Variants in ZHX2 observed in about 807,000 individuals in gnomAD.
ZHX2 encodes the protein zinc fingers and homeoboxes 2.
ZHX2 carries 6 observed loss-of-function variants against 21.9 expected under a neutral mutation model. The observed-to-expected ratio is 0.27, with a 90% CI of 0.15 to 0.54. The LOEUF (loss-of-function observed/expected upper bound fraction) is 0.54. Among genes scored for constraint, ZHX2 ranks in the 20% least tolerant of loss-of-function variants. ZHX2 has a pLI of 0.95. For missense variants in ZHX2, 908 were observed against 1,090.7 expected (o/e 0.83, Z 2.36); for synonymous variants, 434 against 437.1 (o/e 0.99, Z 0.09).
chr8:122,968,517 A>G (rs1457929905), intron 3 of ZHX2, among the ~76,000 whole-genome samples: 3 of 152,136 alleles, frequency 2.0e-5, no homozygotes, highest in African/African-American at 2.4e-5. Context: ...CCTACCCTCA[A>G]TAAAAGAAAT....
chr8:122,837,708 T>C (rs147439495), intron 1 of ZHX2, among the ~76,000 whole-genome samples: 64 of 152,316 alleles, frequency 4.2e-4, no homozygotes, highest in African/African-American at 1.5e-3. Flanking sequence ...TCCCTTGGGG[T>C]GGCCACCAAG....
chr8:122,927,690 A>G (rs1205178906), intron 2 of ZHX2, among the ~76,000 whole-genome samples: 3 of 152,104 alleles, frequency 2.0e-5, no homozygotes, highest in African/African-American at 7.2e-5. Flanking sequence ...ATTCACTATC[A>G]CAAGAATAGA....
intron 2 of ZHX2, among the ~76,000 whole-genome samples, chr8:122,895,697 T>C (rs1820082390): frequency 1.3e-5 from 2 of 151,704 alleles, no homozygotes; most frequent in South Asian, 4.2e-4. Context: ...CCTTGCTCTT[T>C]AGACATCTGC....
intron 1 of ZHX2, among the ~76,000 whole-genome samples, chr8:122,804,864 C>T (rs754428680): frequency 7.9e-5 from 12 of 152,148 alleles, no homozygotes; most frequent in Non-Finnish European, 1.3e-4. Context: ...CATACAATGC[C>T]GTGTCTGGAG....
chr8:122,897,312 A>C (rs2129910795), intron 2 of ZHX2, among the ~76,000 whole-genome samples: 1 of 152,362 alleles, frequency 6.6e-6, no homozygotes, highest in South Asian at 2.1e-4. Flanking sequence ...GGGTTACCAG[A>C]ATGAAATGAT....
At position 122,884,381 on chromosome 8, in the gene ZHX2, C is replaced by G. The variant is rs968058355; in HGVS notation, c.-220+20842C>G. 3.3e-5 allele frequency among the ~76,000 whole-genome samples: 5 copies of G among 152,294 alleles called. No homozygotes were observed. The Middle Eastern group carries it at 0.01, about 311-fold the overall frequency. On this transcript the variant is annotated intron_variant, in intron 2 of 3. Coordinates refer to ENST00000314393, the MANE Select transcript of ZHX2 (RefSeq NM_014943.5). The stretch of plus-strand genomic sequence containing the variant: ...ATTCATGGTATATTCAACTTGTTTT[C>G]TAATTTGTCAGTCACATTGGAACAG...
At position 122,953,361 on chromosome 8, in the gene ZHX2, C is replaced by G. The variant is rs201212470; in HGVS notation, c.1851C>G (p.Leu617=). 8.1e-6 allele frequency: 13 copies of G among 1,614,128 alleles called. No individual in the cohort carries two copies. In the African/African-American group the frequency reaches 1.6e-4, roughly 20 times the overall value. The change falls in exon 3 of 4, where the codon CTC becomes CTG. Residue 617 remains leucine, a synonymous_variant. Transcript: ENST00000314393. The surrounding 1 kb of genome is among the most constrained non-coding windows in gnomAD (Gnocchi z 4.6). ...PNGALSRLDQ[L]SGAQLTSSLP... ...GTGCTCTGTCTCGACTCGACCAGCT[C>G]TCCGGTGCCCAGTTAACAAGTTCTC...
Position 122,861,622 on chromosome 8 carries a change from C to T in ZHX2, c.-282-1855C>T, listed in dbSNP as rs368849127. 3.0e-4 allele frequency among the ~76,000 whole-genome samples: 46 copies of T among 152,180 alleles called. No homozygotes were observed. In the East Asian group the frequency reaches 8.5e-3, roughly 28 times the overall value. ...GTATCGTAAATCTATGCTGTGATGTCCCCCTCCTCATCAGGAGCAGCTAGA... is the reference window on the plus strand; with the variant it reads ...GTATCGTAAATCTATGCTGTGATGTTCCCCTCCTCATCAGGAGCAGCTAGA... On this transcript the variant is annotated intron_variant, in intron 1 of 3. Transcript: ENST00000314393.
chr8:122,850,034 C>T (rs910869485), intron 1 of ZHX2, among the ~76,000 whole-genome samples: 15 of 152,198 alleles, frequency 9.9e-5, no homozygotes, highest in Admixed American at 9.8e-4. Flanking sequence ...TTGACTCTTT[C>T]CCAGTCTTCA....
At chr8:122,851,337 G>A (rs1050847707) in intron 1 of ZHX2, among the ~76,000 whole-genome samples, 19 of 152,152 alleles carry the variant, frequency 1.2e-4, no homozygotes, top group Non-Finnish European at 2.6e-4. Flanking sequence ...AATTTTAGAC[G>A]TGTTAAGTTT....
chr8:122,919,153 G>A (rs541939641), intron 2 of ZHX2, among the ~76,000 whole-genome samples: 1 of 152,230 alleles, frequency 6.6e-6, no homozygotes, highest in Non-Finnish European at 1.5e-5. Context: ...CACAGCACTT[G>A]CTAATCTCTC....
rs554284616 is a variant in ZHX2 at position 122,809,647 on chromosome 8, G to A, written c.-283+27701G>A. Among the ~76,000 whole-genome samples the A allele has an allele frequency of 3.8e-4, 58 of 152,284 alleles. 1 individual carries two copies. The highest frequency in any genetic ancestry group is 1.3e-3 in the African/African-American group (53 of 41,556). ...GAGTGCTTTTAGACAACAAGCAACC[G>A]AGAAACCAATGTGCCTGAGGGGACC... On this transcript the variant is annotated intron_variant, in intron 1 of 3. Transcript: ENST00000314393.
chr8:122,951,965 T>C lies in ZHX2; in HGVS notation c.455T>C (p.Leu152Ser), dbSNP rs1813127592. ...KLIKRNNQTVLEQSIETTNHV... is the reference protein window; with the variant it reads ...KLIKRNNQTVSEQSIETTNHV... ...ATTAAACGCAATAATCAAACTGTCT[T>C]GGAACAGTCCATCGAAACCACCAAC... Residue 152 changes from leucine (L) to serine (S), a missense_variant, in exon 3 of 4, where the codon TTG becomes TCG. Coordinates refer to ENST00000314393, the MANE Select transcript of ZHX2 (RefSeq NM_014943.5). 6.2e-7 allele frequency: 1 copy of C among 1,613,650 alleles called. No homozygotes were observed. The highest frequency in any genetic ancestry group is 1.1e-5 in the South Asian group (1 of 91,058).
intron 2 of ZHX2, among the ~76,000 whole-genome samples, chr8:122,868,083 C>A (rs1819341075): frequency 6.6e-6 from 1 of 152,092 alleles, no homozygotes. Flanking sequence ...CACGATTGAG[C>A]CTTTTAGCGG....
intron 2 of ZHX2, among the ~76,000 whole-genome samples, chr8:122,901,429 AG>A (rs1820227735): frequency 6.6e-6 from 1 of 152,184 alleles, no homozygotes; most frequent in African/African-American, 2.4e-5. Context: ...TAAGCTCCCA[AG>A]CTGGGTTTCT....
chr8:122,953,487 C>T lies in ZHX2; in HGVS notation c.1977C>T (p.Asp659=), dbSNP rs551039119. The T allele has an allele frequency of 5.6e-6, 9 of 1,614,100 alleles. No homozygotes were observed. The East Asian group carries it at 1.3e-4, about 24-fold the overall frequency. Reference sequence around the variant, plus strand: ...AGTGGCCTACTCCCCAGGAGTACGACCAGTTAGCGGCCAAGACTGGCCTGG... The same window carrying T: ...AGTGGCCTACTCCCCAGGAGTACGATCAGTTAGCGGCCAAGACTGGCCTGG... ...RTQWPTPQEY[D]QLAAKTGLVR... The change falls in exon 3 of 4, where the codon GAC becomes GAT. Residue 659 remains aspartate (D), a synonymous_variant. Coordinates refer to ENST00000314393, the MANE Select transcript of ZHX2 (RefSeq NM_014943.5). This position sits in a 1 kb window ranked among gnomAD's most constrained non-coding sequence, Gnocchi z 4.6.
chr8:122,895,334 G>A (rs1820074989), intron 2 of ZHX2, among the ~76,000 whole-genome samples: 1 of 152,218 alleles, frequency 6.6e-6, no homozygotes, highest in Non-Finnish European at 1.5e-5. Flanking sequence ...GGAACACCAA[G>A]TGGGTGTTAC....
In ZHX2 at chr8:122,873,151, T is replaced by A. The variant is rs138469416; in HGVS notation, c.-220+9612T>A. On this transcript the variant is annotated intron_variant, in intron 2 of 3. Transcript: ENST00000314393. ...GGAATAAACCAAAGCCAAATTACCATATGTAAGTCCTGCACTGCCTTAAAA... is the reference window on the plus strand; with the variant it reads ...GGAATAAACCAAAGCCAAATTACCAAATGTAAGTCCTGCACTGCCTTAAAA... 3.9e-5 allele frequency among the ~76,000 whole-genome samples: 6 copies of A among 152,222 alleles called. No homozygotes were observed. In the East Asian group the frequency reaches 1.2e-3, roughly 29 times the overall value.
Position 122,952,930 on chromosome 8 carries a change from G to C in ZHX2, c.1420G>C (p.Glu474Gln), listed in dbSNP as rs374724083. ...CGATGCCGAGGTTTACCGGCTCATC[G>C]AGGTGACTGGCCTTGCCAGGAGCGA... The part of the protein sequence containing the change: ...PDDAEVYRLI[E>Q]VTGLARSEIK... Residue 474 changes from glutamate (E) to glutamine (Q), a missense_variant, in exon 3 of 4, where the codon GAG (glutamate) becomes CAG (glutamine). Physicochemically the swap from Glu to Gln is conservative, Grantham distance 29. Around this residue, in one of 4 missense-constraint regions of ZHX2, gnomAD observed 232 missense variants for 361.8 expected, o/e 0.64. Transcript: ENST00000314393. The surrounding 1 kb of genome is among the most constrained non-coding windows in gnomAD (Gnocchi z 6.9). 4.3e-6 allele frequency: 7 copies of C among 1,613,958 alleles called. No individual in the cohort carries two copies. The Admixed American group carries it at 6.7e-5, about 15-fold the overall frequency.
Sources: gnomAD v4.1 joint callset for allele counts (sites outside exome capture counted in the v4.1 genomes callset) on GRCh38, gnomAD v4.1.1 for gene constraint, gnomAD v4.1.1 regional missense constraint, Gnocchi (gnomAD v3.1) non-coding constraint, MANE v1.5 for transcripts, NCBI Gene and HGNC (gene_info 2026-07-23, HGNC 2026-07-21) for gene names.